Variants in SDK1 observed in about 807,000 individuals in gnomAD.
SDK1 encodes the protein sidekick cell adhesion molecule 1.
In SDK1, 157 loss-of-function variants were observed where a neutral mutation model predicts 245.5. The ratio of observed to expected loss-of-function variants is 0.64; its 90% confidence interval spans 0.56 to 0.73. SDK1 has a LOEUF of 0.73. Among genes scored for constraint, SDK1 ranks in the 30% least tolerant of loss-of-function variants. The pLI is 0.00. For missense variants in SDK1, 3,583 were observed against 3,002.3 expected (o/e 1.19, Z -4.52); for synonymous variants, 1,647 against 1,278.5 (o/e 1.29, Z -6.15).
intron 4 of SDK1, among the ~76,000 whole-genome samples, chr7:3,729,415 T>G (rs183690844): frequency 1.6e-4 from 25 of 152,294 alleles, no homozygotes; most frequent in Admixed American, 1.6e-3. Flanking sequence ...AGGAAACACT[T>G]AACAATTTCT....
intron 32 of SDK1, among the ~76,000 whole-genome samples, chr7:4,172,125 T>C (rs1389465172): frequency 6.6e-6 from 1 of 152,148 alleles, no homozygotes; most frequent in Non-Finnish European, 1.5e-5. Context: ...CTTTTCCGCG[T>C]CTGAGGGGGG....
At position 3,717,308 on chromosome 7, in the gene SDK1, CAT is replaced by C. The variant is rs575919506; in HGVS notation, c.713+75204_713+75205del. 9.4e-4 allele frequency among the ~76,000 whole-genome samples: 143 copies of C among 152,196 alleles called. 1 individual carries two copies. Among genetic ancestry groups the C allele is most frequent in the African/African-American group, 3.3e-3 (135 of 41,538 alleles). ...AGAGAGATAACAGGAAAACTTTAAA[CAT>C]GTGGATATTAAACAACTTCTAAATA... On this transcript the variant is annotated intron_variant, in intron 4 of 44. Coordinates refer to ENST00000404826, the MANE Select transcript of SDK1 (RefSeq NM_152744.4).
Position 3,784,804 on chromosome 7 carries a change from A to G in SDK1, c.714-36646A>G, listed in dbSNP as rs117794869. On this transcript the variant is annotated intron_variant, in intron 4 of 44. Coordinates refer to ENST00000404826, the MANE Select transcript of SDK1 (RefSeq NM_152744.4). Reference sequence around the variant, plus strand: ...TGGAAAACTATGTGGAGATTCCTCAAAAAAAATGAGAAATAGAACTGCCAT... The same window carrying G: ...TGGAAAACTATGTGGAGATTCCTCAGAAAAAATGAGAAATAGAACTGCCAT... Among the ~76,000 whole-genome samples, 230 of 152,326 alleles carry G rather than the reference A, an allele frequency of 1.5e-3. 2 individuals are homozygous for G. The highest frequency in any genetic ancestry group is 2.5e-3 in the Non-Finnish European group (170 of 68,018).
At chr7:4,150,283 G>T (rs1304052231) in intron 30 of SDK1, among the ~76,000 whole-genome samples, 1 of 152,178 alleles carries the variant, frequency 6.6e-6, no homozygotes. Context: ...CTTCTCATTG[G>T]CCCAGAGTTT....
intron 28 of SDK1, among the ~76,000 whole-genome samples, chr7:4,142,474 G>A (rs10951439): frequency 4.6e-5 from 7 of 151,552 alleles, no homozygotes; most frequent in Non-Finnish European, 7.4e-5. Flanking sequence ...GATTACAAGC[G>A]CCCGCCATCA....
intron 1 of SDK1, among the ~76,000 whole-genome samples, chr7:3,458,922 G>T (rs928511046): frequency 2.0e-5 from 3 of 152,098 alleles, no homozygotes; most frequent in East Asian, 1.9e-4. Context: ...TAAATTCATT[G>T]TTCAGGATTG....
chr7:3,895,519 A>G (rs909558156), intron 5 of SDK1, among the ~76,000 whole-genome samples: 9 of 152,236 alleles, frequency 5.9e-5, no homozygotes, highest in Non-Finnish European at 5.9e-5. Context: ...ATGGATGTAA[A>G]GCTGGAGACA....
chr7:3,714,379 A>T (rs1049157013), intron 4 of SDK1, among the ~76,000 whole-genome samples: 6 of 152,172 alleles, frequency 3.9e-5, no homozygotes, highest in African/African-American at 1.4e-4. Context: ...TACCATAGGG[A>T]TGTTATTATC....
At chr7:3,597,786 A>G (rs1403237044) in intron 1 of SDK1, among the ~76,000 whole-genome samples, 1 of 152,154 alleles carries the variant, frequency 6.6e-6, no homozygotes, top group Admixed American at 6.5e-5. Flanking sequence ...TCACCCATCA[A>G]AATGTCTGTG....
At chr7:4,051,155 C>A (rs1789441516) in intron 18 of SDK1, among the ~76,000 whole-genome samples, 3 of 133,842 alleles carry the variant, frequency 2.2e-5, no homozygotes. Context: ...ATAATATATA[C>A]ATATAGTATA....
At chr7:4,222,413 G>C (rs1584479409) in intron 40 of SDK1, among the ~76,000 whole-genome samples, 1 of 152,100 alleles carries the variant, frequency 6.6e-6, no homozygotes, top group East Asian at 1.9e-4. Context: ...TCCTGCCTCA[G>C]CCTCCCGAGT....
chr7:3,990,712 G>T (rs1784237176), intron 14 of SDK1, among the ~76,000 whole-genome samples: 1 of 152,216 alleles, frequency 6.6e-6, no homozygotes, highest in Non-Finnish European at 1.5e-5. Flanking sequence ...TACGTACTCA[G>T]CAAATGAGGT....
chr7:4,024,986 G>A (rs1175858810), intron 17 of SDK1, among the ~76,000 whole-genome samples: 1 of 151,120 alleles, frequency 6.6e-6, no homozygotes, highest in Admixed American at 6.6e-5. Context: ...ACTTTGGACT[G>A]CGGTGCACAA....
At chr7:4,087,479 G>GCACACA (rs10660112) in intron 22 of SDK1, among the ~76,000 whole-genome samples, 15,198 of 150,286 alleles carry the variant, frequency 0.1, 975 homozygotes, top group Non-Finnish European at 0.14. Flanking sequence ...ACACACGCGC[G>GCACACA]CACACACACA....
chr7:4,140,389 C>T (rs1170610529), intron 28 of SDK1, among the ~76,000 whole-genome samples: 1 of 152,212 alleles, frequency 6.6e-6, no homozygotes, highest in Non-Finnish European at 1.5e-5. Context: ...GGAGGCGTGG[C>T]TCTGGAGCTG....
At chr7:3,965,104 G>A (rs1210595710) in intron 9 of SDK1, among the ~76,000 whole-genome samples, 1 of 152,136 alleles carries the variant, frequency 6.6e-6, no homozygotes, top group Non-Finnish European at 1.5e-5. Flanking sequence ...TGAAGGATGT[G>A]GCCTACTCAG....
At chr7:4,154,372 G>T (rs1780586947) in intron 30 of SDK1, among the ~76,000 whole-genome samples, 1 of 152,226 alleles carries the variant, frequency 6.6e-6, no homozygotes, top group Non-Finnish European at 1.5e-5. Context: ...AGTTTGGGAT[G>T]ATTAGAAGAA....
At chr7:4,170,691 T>C (rs1781785503) in intron 32 of SDK1, among the ~76,000 whole-genome samples, 1 of 152,140 alleles carries the variant, frequency 6.6e-6, no homozygotes, top group Non-Finnish European at 1.5e-5. Flanking sequence ...ACCTAAAAGC[T>C]GCTCTGAATG....
intron 43 of SDK1, among the ~76,000 whole-genome samples, chr7:4,244,692 T>C (rs1786735179): frequency 6.6e-6 from 1 of 152,252 alleles, no homozygotes. Context: ...GCTCAGGGCC[T>C]TGCATGGGTG....
Sources: gnomAD v4.1 joint callset for allele counts (sites outside exome capture counted in the v4.1 genomes callset) on GRCh38, gnomAD v4.1.1 for gene constraint, MANE v1.5 for transcripts, NCBI Gene and HGNC (gene_info 2026-07-23, HGNC 2026-07-21) for gene names.